The following STON1 variants were observed in gnomAD, a reference collection of about 807,000 sequenced individuals.
STON1 encodes stonin-1.
STON1 carries 79 observed loss-of-function variants against 60.9 expected under a neutral mutation model. The ratio of observed to expected loss-of-function variants is 1.30; its 90% CI spans 1.08 to 1.56. The LOEUF is 1.56. Among genes scored for constraint, STON1 ranks in the 40% most tolerant of loss-of-function variants. The pLI is 0.00. For synonymous variants in STON1, 363 were observed against 306.9 expected (o/e 1.18, Z -1.91); for missense variants, 1,166 against 858.9 (o/e 1.36, Z -4.47).
intron 1 of STON1, among the ~76,000 whole-genome samples, chr2:48,544,260 AT>A (rs1182050721): frequency 6.6e-6 from 1 of 152,166 alleles, no homozygotes; most frequent in African/African-American, 2.4e-5. Context: ...TATCATGAAA[AT>A]AAAACGTAAT....
intron 1 of STON1, chr2:48,531,059 G>C (rs1424052022): frequency 6.6e-6 from 1 of 152,194 alleles, no homozygotes; most frequent in African/African-American, 2.4e-5. Flanking sequence ...AAAATAAACG[G>C]AAGAGAGAGA....
rs747646352 is a variant in STON1, at chr2:48,582,419, A to C, written c.1786A>C (p.Lys596Gln). The change falls in exon 2 of 4, where the codon AAA (lysine) becomes CAA (glutamine). Residue 596 changes from lysine (K) to glutamine (Q), a missense_variant. Transcript: ENST00000404752. ...CCAGAGGCAGAAGTCTCTGAAAGCT[A>C]AAATGAACCGCCGAGCATGTCTGGG... ...NLQRQKSLKA[K>Q]MNRRACLGSL... is the part of the protein sequence containing the mutation. 2 of 1,614,224 alleles carry C rather than the reference A, an allele frequency of 1.2e-6. No homozygotes were observed. Among genetic ancestry groups the C allele is most frequent in the Non-Finnish European group, 8.5e-7 (1 of 1,180,042 alleles).
intron 1 of STON1, among the ~76,000 whole-genome samples, chr2:48,544,939 C>A (rs186453204): frequency 1.3e-5 from 2 of 152,294 alleles, no homozygotes; most frequent in East Asian, 3.9e-4. Context: ...TCCTTTGCAA[C>A]CAGGAATCCC....
chr2:48,559,050 T>C (rs553928574), intron 1 of STON1, among the ~76,000 whole-genome samples: 80 of 147,786 alleles, frequency 5.4e-4, no homozygotes, highest in African/African-American at 2.0e-3. Context: ...AGCTGGTAAG[T>C]ATAATACAAA....
At chr2:48,560,404 C>G (rs554663781) in intron 1 of STON1, among the ~76,000 whole-genome samples, 1 of 152,170 alleles carries the variant, frequency 6.6e-6, no homozygotes, top group Non-Finnish European at 1.5e-5. Context: ...CCTGGGGACC[C>G]CTTAGGGATA....
At chr2:48,548,533 CTG>C (rs551199215) in intron 1 of STON1, among the ~76,000 whole-genome samples, 226 of 151,084 alleles carry the variant, frequency 1.5e-3, no homozygotes, top group Non-Finnish European at 2.2e-3. Context: ...AGGTCTCCCT[CTG>C]TTGCCCAGGC....
At chr2:48,560,047 T>A (rs974019504) in intron 1 of STON1, among the ~76,000 whole-genome samples, 13 of 152,178 alleles carry the variant, frequency 8.5e-5, no homozygotes, top group African/African-American at 2.9e-4. Context: ...TTGTCTCCTC[T>A]CAAAACACTA....
At chr2:48,560,097 A>G (rs1324809285) in intron 1 of STON1, among the ~76,000 whole-genome samples, 2 of 152,118 alleles carry the variant, frequency 1.3e-5, no homozygotes, top group Non-Finnish European at 2.9e-5. Context: ...TACTTGACCA[A>G]TTTTCATAGC....
intron 1 of STON1, among the ~76,000 whole-genome samples, chr2:48,535,062 C>G (rs1025025311): frequency 3.9e-5 from 6 of 152,078 alleles, no homozygotes; most frequent in Non-Finnish European, 7.4e-5. Flanking sequence ...TAAAGTAGAT[C>G]AGGCAAATTA....
chr2:48,559,953 T>C (rs1471902831), intron 1 of STON1, among the ~76,000 whole-genome samples: 1 of 152,340 alleles, frequency 6.6e-6, no homozygotes, highest in East Asian at 1.9e-4. Flanking sequence ...TATAGGCCAT[T>C]CCAATCTGAA....
chr2:48,591,916 C>T (rs1446874577), intron 3 of STON1, 61 bp downstream of exon 3: 2 of 1,565,894 alleles, frequency 1.3e-6, no homozygotes, highest in East Asian at 4.6e-5. Flanking sequence ...GTTTTGCTGT[C>T]TTTTGTGATC....
At chr2:48,590,208 A>T (rs187256752) in intron 2 of STON1, among the ~76,000 whole-genome samples, 3 of 152,294 alleles carry the variant, frequency 2.0e-5, no homozygotes, top group Non-Finnish European at 4.4e-5. Flanking sequence ...TCAGGTTGTT[A>T]AGAGCACCTC....
intron 1 of STON1, among the ~76,000 whole-genome samples, chr2:48,558,457 C>G (rs565060011): frequency 1.3e-5 from 2 of 152,134 alleles, no homozygotes; most frequent in Non-Finnish European, 2.9e-5. Context: ...ATGGACAAAC[C>G]AATATGCATT....
At chr2:48,541,085 C>T (rs1230559612) in intron 1 of STON1, among the ~76,000 whole-genome samples, 3 of 152,198 alleles carry the variant, frequency 2.0e-5, no homozygotes, top group Non-Finnish European at 1.5e-5. Flanking sequence ...CACAGTGGCT[C>T]ACGCCTGTAA....
At chr2:48,559,343 G>T (rs1285086627) in intron 1 of STON1, among the ~76,000 whole-genome samples, 8 of 152,160 alleles carry the variant, frequency 5.3e-5, no homozygotes, top group Non-Finnish European at 8.8e-5. Context: ...CAATATCAAG[G>T]CTCCAGTGGA....
chr2:48,566,380 T>C (rs534886006), intron 1 of STON1, among the ~76,000 whole-genome samples: 293 of 152,294 alleles, frequency 1.9e-3, no homozygotes, highest in African/African-American at 6.6e-3. Flanking sequence ...TTCACCATGT[T>C]GGTCAGGCTG....
intron 1 of STON1, among the ~76,000 whole-genome samples, chr2:48,558,837 AT>A (rs1672494392): frequency 6.6e-6 from 1 of 152,140 alleles, no homozygotes; most frequent in South Asian, 2.1e-4. Flanking sequence ...GGATGAGCAC[AT>A]TTTATCTTTC....
intron 1 of STON1, among the ~76,000 whole-genome samples, chr2:48,538,426 C>T (rs1054324546): frequency 2.6e-5 from 4 of 152,044 alleles, no homozygotes; most frequent in Admixed American, 6.6e-5. Context: ...GCTTTCTATT[C>T]CTTCTTGATT....
chr2:48,536,586 T>G (rs1671441201), intron 1 of STON1, among the ~76,000 whole-genome samples: 1 of 151,052 alleles, frequency 6.6e-6, no homozygotes, highest in African/African-American at 2.4e-5. Flanking sequence ...GAATAGTACC[T>G]GCTATATAAG....
Sources: allele counts gnomAD v4.1 joint callset (sites outside exome capture counted in the v4.1 genomes callset), GRCh38; gene constraint gnomAD v4.1.1; transcripts MANE v1.5; gene names NCBI Gene and HGNC (gene_info 2026-07-23, HGNC 2026-07-21).